The following CLVS1 variants were observed in gnomAD, a reference collection of about 807,000 sequenced individuals.
CLVS1 encodes the protein clavesin 1.
Under a neutral mutation model 33.1 loss-of-function variants are expected in CLVS1, and 10 were observed. The observed-to-expected ratio is 0.30, with a 90% CI of 0.19 to 0.51. The LOEUF (loss-of-function observed/expected upper bound fraction) is 0.51, where lower values mean the gene tolerates loss of function less well. CLVS1 is among the 20% of genes least tolerant of loss of function. CLVS1 has a pLI of 0.97. For missense variants in CLVS1, 343 were observed against 433.4 expected (o/e 0.79, Z 1.85); for synonymous variants, 163 against 166.1 (o/e 0.98, Z 0.14).
At chr8:61,086,757 C>T (rs1805133768) in intron 1 of CLVS1, among the ~76,000 whole-genome samples, 1 of 152,052 alleles carries the variant, frequency 6.6e-6, no homozygotes. Flanking sequence ...GACCTTGATC[C>T]TGTCTCCTAC....
chr8:61,088,887 C>T (rs183717659), intron 1 of CLVS1, among the ~76,000 whole-genome samples: 2,154 of 151,380 alleles, frequency 0.014, 19 homozygotes, highest in Non-Finnish European at 0.023. Context: ...CTGCAAGCTC[C>T]GCCTCCTGGG....
intron 2 of CLVS1, among the ~76,000 whole-genome samples, chr8:61,306,660 T>C (rs775739536): frequency 2.4e-4 from 36 of 152,340 alleles, no homozygotes; most frequent in Non-Finnish European, 4.3e-4. Flanking sequence ...TTTGGCTATA[T>C]ACCCAGTAGT....
chr8:61,317,391 C>T (rs1379032842), intron 2 of CLVS1, among the ~76,000 whole-genome samples: 2 of 152,138 alleles, frequency 1.3e-5, no homozygotes, highest in Non-Finnish European at 2.9e-5. Context: ...AAATTCAATC[C>T]TGGGCATTAG....
At chr8:61,037,889 A>G in the CLVS1 span, among the ~76,000 whole-genome samples, 1 of 152,138 alleles carries the variant, frequency 6.6e-6, no homozygotes, top group Admixed American at 6.5e-5. Context: ...GCACTGAGAG[A>G]GCTCTGGCTG....
chr8:60,968,313 C>A, the CLVS1 span, among the ~76,000 whole-genome samples: 1 of 152,100 alleles, frequency 6.6e-6, no homozygotes, highest in Non-Finnish European at 1.5e-5. Context: ...GTCGGGAGTT[C>A]GAGACCAGCC....
chr8:61,499,838 A>C lies in CLVS1; in HGVS notation c.*296A>C, dbSNP rs1804504513. On this transcript the variant is annotated 3_prime_UTR_variant, in exon 6 of 6. Coordinates refer to ENST00000325897, the MANE Select transcript of CLVS1 (RefSeq NM_173519.3). The stretch of plus-strand genomic sequence containing the variant: ...TTATTGTAGTAAATTGAAAAAATAA[A>C]GACTAAATTTGATGGACACACTGCA... The C allele has an allele frequency of 4.4e-6, 1 of 228,322 alleles. No individual in the cohort carries two copies. The highest frequency in any genetic ancestry group is 1.1e-4 in the South Asian group (1 of 9,242). The allele number at this position is 228,322 out of a possible 1,614,324, so 14.1% of individuals were successfully genotyped here. A position where few individuals can be genotyped will look rare whatever the true frequency, so the allele number is the denominator to read the frequency against.
At chr8:61,104,058 A>G (rs1467673814) in intron 1 of CLVS1, among the ~76,000 whole-genome samples, 2 of 152,226 alleles carry the variant, frequency 1.3e-5, no homozygotes, top group East Asian at 3.8e-4. Flanking sequence ...TGTTTCCTGT[A>G]TTCAGAAAGT....
Position 61,500,312 on chromosome 8 carries a change from T to G in CLVS1, c.*770T>G, listed in dbSNP as rs749969568. 9 of 152,178 alleles carry G rather than the reference T, an allele frequency of 5.9e-5. No individual in the cohort carries two copies. Among genetic ancestry groups the G allele is most frequent in the East Asian group, 3.8e-4 (2 of 5,200 alleles). 9.4% of individuals were successfully genotyped at this position (152,178 alleles called of 1,614,324 possible). A position where few individuals can be genotyped will look rare whatever the true frequency, so the allele number is the denominator to read the frequency against. Reference sequence around the variant, plus strand: ...GCAGCATGTGTCTGCAGAGGAGATGTCTCATGAAAATCACATGTCAGTGAT... The same window carrying G: ...GCAGCATGTGTCTGCAGAGGAGATGGCTCATGAAAATCACATGTCAGTGAT... On this transcript the variant is annotated 3_prime_UTR_variant, in exon 6 of 6. Transcript: ENST00000325897.
chr8:61,127,945 G>T (rs1338887714), intron 1 of CLVS1, among the ~76,000 whole-genome samples: 3 of 152,246 alleles, frequency 2.0e-5, no homozygotes, highest in African/African-American at 7.2e-5. Context: ...GCGACTGCCA[G>T]CAGGGCTAAA....
chr8:61,062,935 T>G (rs957722700), intron 1 of CLVS1, among the ~76,000 whole-genome samples: 1 of 152,196 alleles, frequency 6.6e-6, no homozygotes, highest in African/African-American at 2.4e-5. Context: ...TTCCTTTCTT[T>G]AAATATTTTA....
chr8:61,393,323 ATCTCT>A (rs1814383906), intron 3 of CLVS1, among the ~76,000 whole-genome samples: 1 of 152,096 alleles, frequency 6.6e-6, no homozygotes, highest in Non-Finnish European at 1.5e-5. Flanking sequence ...TAAAAAAAAA[ATCTCT>A]TTAAGTCGGT....
chr8:61,476,431 A>G (rs1461862596), intron 5 of CLVS1, among the ~76,000 whole-genome samples: 5 of 152,206 alleles, frequency 3.3e-5, no homozygotes, highest in African/African-American at 7.2e-5. Flanking sequence ...ACCCATGAGC[A>G]TGGAATGTTC....
At chr8:61,362,145 G>A (rs1813005917) in intron 2 of CLVS1, among the ~76,000 whole-genome samples, 1 of 152,174 alleles carries the variant, frequency 6.6e-6, no homozygotes, top group South Asian at 2.1e-4. Context: ...CTCAGGAAAA[G>A]GGCTCAGAGT....
Position 61,466,938 on chromosome 8 carries a change from C to T in CLVS1, c.977+8396C>T, listed in dbSNP as rs573765895. ...TGCTGGGATTATAGGTGTGAGCCAC[C>T]GCACCTGGCCTATAGATATTATTTA... On this transcript the variant is annotated intron_variant, in intron 5 of 5. Coordinates refer to ENST00000325897, the MANE Select transcript of CLVS1 (RefSeq NM_173519.3). 1.7e-4 allele frequency among the ~76,000 whole-genome samples: 26 copies of T among 152,266 alleles called. No homozygotes were observed. In the South Asian group the frequency reaches 4.8e-3, roughly 28 times the overall value.
At chr8:61,274,245 C>A (rs1160665670) in intron 2 of CLVS1, among the ~76,000 whole-genome samples, 1 of 152,138 alleles carries the variant, frequency 6.6e-6, no homozygotes, top group Non-Finnish European at 1.5e-5. Context: ...AATATTCATT[C>A]TTTCAGTGCT....
At chr8:61,242,930 G>C (rs1217033809) in intron 2 of CLVS1, among the ~76,000 whole-genome samples, 1 of 150,044 alleles carries the variant, frequency 6.7e-6, no homozygotes, top group Non-Finnish European at 1.5e-5. Context: ...AAAATCCTTA[G>C]ACTGATAACA....
intron 2 of CLVS1, among the ~76,000 whole-genome samples, chr8:61,171,082 C>T (rs915944619): frequency 1.3e-5 from 2 of 151,864 alleles, no homozygotes; most frequent in Non-Finnish European, 2.9e-5. Flanking sequence ...GGTGTCAGGC[C>T]AGGAATGAGT....
At chr8:61,371,208 A>G (rs1813425973) in intron 2 of CLVS1, among the ~76,000 whole-genome samples, 1 of 152,010 alleles carries the variant, frequency 6.6e-6, no homozygotes, top group Non-Finnish European at 1.5e-5. Context: ...TAGGTATTGC[A>G]TTGTGGTTTT....
In CLVS1 at chr8:61,134,298, G is replaced by A. The variant is rs78392791; in HGVS notation, c.-152+2438G>A. 7.6e-3 allele frequency among the ~76,000 whole-genome samples: 1,160 copies of A among 152,304 alleles called. 8 individuals carry two copies. Among genetic ancestry groups the A allele is most frequent in the African/African-American group, 0.026 (1,095 of 41,552 alleles). ...TCAGTGGGGCCCAATTGCCAGGTGC[G>A]CCTCGAAGCCTGAGCATCTGGCCTT... On this transcript the variant is annotated intron_variant, in intron 2 of 2. Coordinates refer to the CLVS1 transcript ENST00000522621.
Sources: gnomAD v4.1 joint callset for allele counts (sites outside exome capture counted in the v4.1 genomes callset) on GRCh38, gnomAD v4.1.1 for gene constraint, MANE v1.5 for transcripts, NCBI Gene and HGNC (gene_info 2026-07-23, HGNC 2026-07-21) for gene names.